ZNF112: variants seen among roughly 807,000 people sequenced by gnomAD.
ZNF112 encodes zinc finger protein 112.
ZNF112 carries 37 observed loss-of-function variants against 77.7 expected under a neutral mutation model. That is an observed-to-expected ratio of 0.48 (90% CI 0.37 to 0.63). ZNF112 has a LOEUF of 0.63. Among genes scored for constraint, ZNF112 ranks in the 20% least tolerant of loss-of-function variants. ZNF112 has a pLI of 0.00. For synonymous variants in ZNF112, 333 were observed against 363.6 expected (o/e 0.92, Z 0.96); for missense variants, 950 against 1,077.4 (o/e 0.88, Z 1.66).
At chr19:44,345,828 C>A (rs1568671610) in intron 1 of ZNF112, among the ~76,000 whole-genome samples, 1 of 152,168 alleles carries the variant, frequency 6.6e-6, no homozygotes, top group Non-Finnish European at 1.5e-5. Context: ...CTTGCATGTG[C>A]CACCCCTCCT....
At chr19:44,358,668 AATG>A (rs1970823417), upstream of ZNF112, among the ~76,000 whole-genome samples, 1 of 152,226 alleles carries the variant, frequency 6.6e-6, no homozygotes, top group Admixed American at 6.5e-5. Context: ...AAATTAGCAA[AATG>A]ATACGGGATT....
chr19:44,355,173 A>T (rs1970764317), intron 1 of ZNF112, among the ~76,000 whole-genome samples: 1 of 152,216 alleles, frequency 6.6e-6, no homozygotes, highest in Admixed American at 6.5e-5. Context: ...ACATTTGGCT[A>T]TGCTTACAAA....
chr19:44,347,624 C>T (rs1970619616), intron 1 of ZNF112, among the ~76,000 whole-genome samples: 1 of 148,140 alleles, frequency 6.8e-6, no homozygotes, highest in Non-Finnish European at 1.5e-5. Context: ...TTTAGCATTA[C>T]TGTTTTACTA....
At chr19:44,353,049 A>G (rs979248939) in intron 1 of ZNF112, among the ~76,000 whole-genome samples, 1 of 152,134 alleles carries the variant, frequency 6.6e-6, no homozygotes, top group Non-Finnish European at 1.5e-5. Flanking sequence ...AAAAGAATAA[A>G]TTTGGAAGAA....
exon 1 of ZNF112, chr19:44,367,170 G>C: frequency 2.2e-6 from 1 of 455,886 alleles, no homozygotes; most frequent in Non-Finnish European, 4.4e-6. Flanking sequence ...AAACATTGCT[G>C]TCTCAGGCCT....
In ZNF112 at chr19:44,327,446, G is replaced by C. The variant is rs1393412743; in HGVS notation, c.2711C>G (p.Ser904Cys). The change falls in exon 4 of 4, where the codon TCT becomes TGT. Residue 904 changes from serine (S) to cysteine (C), a missense_variant. Physicochemically the swap from Ser to Cys is moderately radical, Grantham distance 112. Around this residue, in one of 3 missense-constraint regions of ZNF112, gnomAD observed 373 missense variants for 482.8 expected, o/e 0.77. Transcript: ENST00000354340. Reference protein sequence around the residue: ...SSENLHRNEDSVLF With the variant: ...SSENLHRNEDCVLF ...CATTTGAGGACTTCAAAACAAAACAGAATCTTCATTTCTGTGTAGATTCTC... is the reference window on the plus strand; with the variant it reads ...CATTTGAGGACTTCAAAACAAAACACAATCTTCATTTCTGTGTAGATTCTC... 1 of 1,594,386 alleles carries C rather than the reference G, an allele frequency of 6.3e-7. No individual in the cohort carries two copies. Among genetic ancestry groups the C allele is most frequent in the South Asian group, 1.1e-5 (1 of 88,398 alleles).
chr19:44,336,526 G>C, intron 3 of ZNF112, 97 bp downstream of exon 3: 1 of 1,020,784 alleles, frequency 9.8e-7, no homozygotes. Flanking sequence ...TGTGAAATGG[G>C]GAGCCACAGG....
upstream of ZNF112, among the ~76,000 whole-genome samples, chr19:44,358,610 A>G (rs1485102205): frequency 6.6e-6 from 1 of 152,224 alleles, no homozygotes; most frequent in Non-Finnish European, 1.5e-5. Flanking sequence ...AAAAGATTCT[A>G]GCAAAAACTA....
chr19:44,330,207 G>A (rs917738028), intron 3 of ZNF112, among the ~76,000 whole-genome samples: 1 of 152,112 alleles, frequency 6.6e-6, no homozygotes, highest in South Asian at 2.1e-4. Flanking sequence ...ACTCATTGGA[G>A]TATTTCAGAT....
At chr19:44,366,333 C>CT (rs201029040) in intron 1 of ZNF112, among the ~76,000 whole-genome samples, 1 of 151,928 alleles carries the variant, frequency 6.6e-6, no homozygotes, top group Non-Finnish European at 1.5e-5. Context: ...TATATTGCTC[C>CT]TTTTTTTTCC....
chr19:44,330,078 AT>A (rs1263364216), intron 3 of ZNF112, 142 bp from the exon 4 acceptor site: 1 of 641,264 alleles, frequency 1.6e-6, no homozygotes, highest in African/African-American at 1.8e-5. Flanking sequence ...TACTTAGAAA[AT>A]ATCTCCTCTT....
chr19:44,343,179 A>C (rs1970522684), intron 1 of ZNF112: 3 of 1,534,648 alleles, frequency 2.0e-6, no homozygotes, highest in Non-Finnish European at 1.8e-6. Flanking sequence ...CTTGGCAAAG[A>C]AGGGGGAAAA....
intron 1 of ZNF112, among the ~76,000 whole-genome samples, chr19:44,349,218 A>T (rs922065528): frequency 6.6e-6 from 1 of 152,116 alleles, no homozygotes; most frequent in Non-Finnish European, 1.5e-5. Flanking sequence ...GTTGCTAAGC[A>T]CAATTTAAAC....
At chr19:44,359,674 C>T (rs1970835850), upstream of ZNF112, among the ~76,000 whole-genome samples, 11 of 152,098 alleles carry the variant, frequency 7.2e-5, no homozygotes, top group South Asian at 2.3e-3. Context: ...CTACAATATG[C>T]TAATTTTTCT....
chr19:44,335,316 T>C (rs979161428), intron 3 of ZNF112, among the ~76,000 whole-genome samples: 3 of 152,214 alleles, frequency 2.0e-5, no homozygotes, highest in Non-Finnish European at 4.4e-5. Flanking sequence ...TGGAAGTAAC[T>C]AGTTTGTTTA....
chr19:44,332,136 T>C (rs1397509315), intron 3 of ZNF112, among the ~76,000 whole-genome samples: 2 of 152,200 alleles, frequency 1.3e-5, no homozygotes, highest in South Asian at 2.1e-4. Context: ...ATTAATATAA[T>C]TGCACCTGTG....
At chr19:44,350,019 C>T (rs1216453869) in intron 1 of ZNF112, among the ~76,000 whole-genome samples, 2 of 151,992 alleles carry the variant, frequency 1.3e-5, no homozygotes, top group African/African-American at 2.4e-5. Context: ...TATGGAACAA[C>T]CACAGGTGAA....
At chr19:44,356,703 A>G (rs1385795402), upstream of ZNF112, 1 of 152,088 alleles carries the variant, frequency 6.6e-6, no homozygotes, top group Non-Finnish European at 1.5e-5. Flanking sequence ...CTCCTGGACT[A>G]CGCTTCCCAG....
At chr19:44,365,291 A>G (rs989087351) in intron 1 of ZNF112, among the ~76,000 whole-genome samples, 2 of 151,968 alleles carry the variant, frequency 1.3e-5, no homozygotes, top group Admixed American at 6.6e-5. Flanking sequence ...CCACCTCTAC[A>G]AAAGATACAA....
Sources: allele counts gnomAD v4.1 joint callset (sites outside exome capture counted in the v4.1 genomes callset), GRCh38; gene constraint gnomAD v4.1.1; regional missense constraint gnomAD v4.1.1; transcripts MANE v1.5; gene names NCBI Gene and HGNC (gene_info 2026-07-23, HGNC 2026-07-21).